Variants in PCDHA3 observed in about 807,000 individuals in gnomAD.
PCDHA3 encodes the protein protocadherin alpha-3.
PCDHA3 carries 41 observed loss-of-function variants against 62.2 expected under a neutral mutation model. That is an observed-to-expected ratio of 0.66 (90% confidence interval 0.51 to 0.86). PCDHA3 has a LOEUF of 0.86. Ranked by LOEUF, PCDHA3 falls within the 40% of genes least tolerant of loss-of-function variation. The probability of loss-of-function intolerance (pLI) is 0.00; values close to 1 mark genes in which losing one functional copy is unlikely to be tolerated. For missense variants in PCDHA3, 1,304 were observed against 1,241.2 expected, an observed-to-expected ratio of 1.05 and a Z score of -0.76; for synonymous variants, 640 against 555.4, an observed-to-expected ratio of 1.15 and a Z score of -2.14.
chr5:140,809,057 G>A, intron 1 of PCDHA3: 2 of 1,613,888 alleles, frequency 1.2e-6, no homozygotes, highest in East Asian at 4.5e-5. Flanking sequence ...CCCGTTCCGC[G>A]TGGGGCTGTA....
At chr5:140,807,672 TC>T (rs781861569) in intron 1 of PCDHA3, 7 of 1,614,086 alleles carry the variant, frequency 4.3e-6, no homozygotes, top group Non-Finnish European at 5.9e-6. Context: ...GATGCAGATA[TC>T]GGGGAGAACG....
intron 3 of PCDHA3, 64 bp downstream of exon 3, chr5:140,982,627 T>A: frequency 6.3e-7 from 1 of 1,581,770 alleles, no homozygotes; most frequent in Non-Finnish European, 8.6e-7. Flanking sequence ...GACCTACTTT[T>A]GTAAGATCAG....
rs2150335753 is a variant in PCDHA3, at chr5:140,842,424, T to A, written c.2394+38833T>A. On this transcript the variant is annotated intron_variant, in intron 1 of 3. Transcript: ENST00000522353. Reference sequence around the variant, plus strand: ...CGTGAAGACGCTCAATTTGGTACTGTCATCGCCCTAATTAGCGTGAACGAC... The same window carrying A: ...CGTGAAGACGCTCAATTTGGTACTGACATCGCCCTAATTAGCGTGAACGAC... 2 of 1,613,572 alleles carry A rather than the reference T, an allele frequency of 1.2e-6. No individual in the cohort carries two copies. Among genetic ancestry groups the A allele is most frequent in the East Asian group, 4.5e-5 (2 of 44,874 alleles).
intron 1 of PCDHA3, chr5:140,870,604 C>T (rs376574285): frequency 1.9e-6 from 3 of 1,613,134 alleles, no homozygotes; most frequent in African/African-American, 2.7e-5. Context: ...GTTGGGCGAC[C>T]GCGCGCTGTC....
In PCDHA3 at chr5:140,803,380, C is replaced by T; in HGVS notation, c.2183C>T (p.Thr728Ile). The T allele has an allele frequency of 1.2e-6, 2 of 1,614,224 alleles. No individual in the cohort carries two copies. Among genetic ancestry groups the T allele is most frequent in the African/African-American group, 1.3e-5 (1 of 75,072 alleles). ...GCTCTGCGGTGCTCCGCGCCGCCAA[C>T]CGAAGGCGACTGTGGGCCGGGCAAG... is the stretch of plus-strand genomic sequence containing the variant. ...YTALRCSAPP[T>I]EGDCGPGKPT... is the part of the protein sequence containing the mutation. The change falls in exon 1 of 4, where the codon ACC (threonine) becomes ATC (isoleucine). Residue 728 changes from threonine to isoleucine, a missense_variant. Physicochemically the swap from Thr to Ile is moderately conservative, Grantham distance 89. Coordinates refer to ENST00000522353, the MANE Select transcript of PCDHA3 (RefSeq NM_018906.3).
intron 1 of PCDHA3, chr5:140,883,572 T>C: frequency 6.2e-7 from 1 of 1,614,098 alleles, no homozygotes; most frequent in Non-Finnish European, 8.5e-7. Flanking sequence ...TCGCCTTCGC[T>C]GTGGGCCACG....
chr5:140,991,413 A>G (rs2097451025), intron 3 of PCDHA3, among the ~76,000 whole-genome samples: 1 of 152,228 alleles, frequency 6.6e-6, no homozygotes, highest in South Asian at 2.1e-4. Context: ...CCATTATGCT[A>G]TAACAAATTA....
chr5:140,852,888 T>C, intron 1 of PCDHA3: 1 of 920,092 alleles, frequency 1.1e-6, no homozygotes, highest in Non-Finnish European at 1.3e-6. Context: ...AAAACGTATT[T>C]TTTTTTTTGA....
intron 3 of PCDHA3, among the ~76,000 whole-genome samples, chr5:141,008,133 A>G (rs782089475): frequency 6.6e-6 from 1 of 152,208 alleles, no homozygotes; most frequent in Non-Finnish European, 1.5e-5. Context: ...GGGGATGACA[A>G]ATGCTGCTGA....
chr5:140,928,731 C>T, intron 1 of PCDHA3: 2 of 1,614,164 alleles, frequency 1.2e-6, no homozygotes, highest in Non-Finnish European at 1.7e-6. Context: ...GAATTTCAGC[C>T]AATATAGGTG....
intron 3 of PCDHA3, among the ~76,000 whole-genome samples, chr5:140,995,316 A>G (rs2097676169): frequency 1.3e-5 from 2 of 152,222 alleles, no homozygotes; most frequent in South Asian, 4.1e-4. Context: ...TTCTAAGTGA[A>G]CTAACAGGTG....
At chr5:140,878,099 C>T (rs1270449354) in intron 1 of PCDHA3, 2 of 277,184 alleles carry the variant, frequency 7.2e-6, no homozygotes, top group Non-Finnish European at 1.3e-5. Flanking sequence ...GACTGATGAA[C>T]CTTGAAAAAA....
chr5:140,941,647 C>T (rs1435033243), intron 1 of PCDHA3, among the ~76,000 whole-genome samples: 2 of 152,002 alleles, frequency 1.3e-5, no homozygotes, highest in South Asian at 2.1e-4. Flanking sequence ...CTTCCTACAA[C>T]TTATGTCCAA....
At position 140,870,607 on chromosome 5, in the gene PCDHA3, G is replaced by T. The variant is rs782060261; in HGVS notation, c.2394+67016G>T. 15 of 1,613,098 alleles carry T rather than the reference G, an allele frequency of 9.3e-6. No individual in the cohort carries two copies. The Middle Eastern group carries it at 5.1e-4, about 55-fold the overall frequency. ...GGTGGAGCGGCGGTTGGGCGACCGCGCGCTGTCGAGCTACGTGTCGGTGCA... is the reference window on the plus strand; with the variant it reads ...GGTGGAGCGGCGGTTGGGCGACCGCTCGCTGTCGAGCTACGTGTCGGTGCA... On this transcript the variant is annotated intron_variant, in intron 1 of 3. Transcript: ENST00000522353.
chr5:140,989,010 A>G (rs2097325577), intron 3 of PCDHA3: 1 of 152,226 alleles, frequency 6.6e-6, no homozygotes, highest in Non-Finnish European at 1.5e-5. Context: ...GAGACTTATT[A>G]TAGTTTCTTC....
intron 1 of PCDHA3, among the ~76,000 whole-genome samples, chr5:140,905,881 T>C (rs1241086266): frequency 1.3e-5 from 2 of 152,080 alleles, no homozygotes; most frequent in Non-Finnish European, 2.9e-5. Context: ...GGCCCAACAA[T>C]AGGCCATCTG....
rs1554162489 is a variant in PCDHA3 at position 140,869,104 on chromosome 5, A to G, written c.2394+65513A>G. 2.5e-6 allele frequency: 4 copies of G among 1,601,646 alleles called. No individual in the cohort carries two copies. In the Admixed American group the frequency reaches 5.1e-5, roughly 21 times the overall value. On this transcript the variant is annotated intron_variant, in intron 1 of 3. Coordinates refer to ENST00000522353, the MANE Select transcript of PCDHA3 (RefSeq NM_018906.3). ...ATTTTGGAAGCCAATTTCGTATGCG[A>G]TGTTTGGTTTTCAGAGAAGGGGATT... is the stretch of plus-strand genomic sequence containing the variant.
At chr5:140,921,943 T>C (rs2080514176) in intron 1 of PCDHA3, among the ~76,000 whole-genome samples, 1 of 151,972 alleles carries the variant, frequency 6.6e-6, no homozygotes, top group South Asian at 2.1e-4. Context: ...AATTTTACAC[T>C]TGTAAAATCC....
chr5:140,850,664 C>T, intron 1 of PCDHA3: 1 of 1,598,396 alleles, frequency 6.3e-7, no homozygotes, highest in Non-Finnish European at 8.6e-7. Context: ...TGCTGCGGTG[C>T]TCGGCGATGC....
Sources: allele counts gnomAD v4.1 joint callset (sites outside exome capture counted in the v4.1 genomes callset), GRCh38; gene constraint gnomAD v4.1.1; transcripts MANE v1.5; gene names NCBI Gene and HGNC (gene_info 2026-07-23, HGNC 2026-07-21).